Variants in HSD17B2 observed in about 807,000 individuals in gnomAD.
The protein encoded by HSD17B2 is 17-beta-hydroxysteroid dehydrogenase type 2.
In HSD17B2, 32 loss-of-function variants were observed where a neutral mutation model predicts 26.9. The ratio of observed to expected loss-of-function variants is 1.19; its 90% confidence interval spans 0.90 to 1.60. The LOEUF is 1.60. HSD17B2 is among the 40% of genes most tolerant of loss of function. The pLI, the probability that HSD17B2 is intolerant of heterozygous loss-of-function variation, is 0.00. For synonymous variants in HSD17B2, 246 were observed against 186.7 expected, an observed-to-expected ratio of 1.32 and a Z score of -2.59; for missense variants, 613 against 468.6, an observed-to-expected ratio of 1.31 and a Z score of -2.85.
In HSD17B2 at chr16:82,071,172, G is replaced by A. The variant is rs8191169; in HGVS notation, c.664+45G>A. On this transcript the variant is annotated intron_variant, in intron 3 of 4. Coordinates refer to ENST00000199936, the MANE Select transcript of HSD17B2 (RefSeq NM_002153.3). ...CATGGTCATGGGGTGCCCATCACAA[G>A]ACATGGCTCATGGCATTCTATGTGG... 1,086 of 1,577,542 alleles carry A rather than the reference G, an allele frequency of 6.9e-4. 6 individuals carry two copies. The African/African-American group carries it at 0.013, about 19-fold the overall frequency.
At chr16:82,040,785 A>C (rs1216158273) in intron 1 of HSD17B2, among the ~76,000 whole-genome samples, 1 of 152,184 alleles carries the variant, frequency 6.6e-6, no homozygotes, top group Non-Finnish European at 1.5e-5. Context: ...TTGACTTCAG[A>C]ACTGAGTCTG....
At chr16:82,066,860 G>A (rs189157629) in intron 1 of HSD17B2, among the ~76,000 whole-genome samples, 52 of 152,024 alleles carry the variant, frequency 3.4e-4, no homozygotes, top group Non-Finnish European at 6.3e-4. Flanking sequence ...TTTGTGTACC[G>A]TAATTTAGGT....
intron 2 of HSD17B2, 131 bp from the exon 3 acceptor site, chr16:82,070,811 A>T (rs1454564852): frequency 3.9e-6 from 3 of 777,516 alleles, no homozygotes; most frequent in Non-Finnish European, 6.2e-6. Context: ...GCCTTTGTCC[A>T]GTGGCAGACT....
intron 1 of HSD17B2, 148 bp from the exon 2 acceptor site, chr16:82,068,022 C>T (rs1480884730): frequency 3.0e-6 from 2 of 677,164 alleles, no homozygotes; most frequent in Non-Finnish European, 5.0e-6. Context: ...TCCCACCTCT[C>T]CACTTAGAAC....
intron 1 of HSD17B2, among the ~76,000 whole-genome samples, chr16:82,053,758 G>A (rs1914181403): frequency 6.6e-6 from 1 of 152,188 alleles, no homozygotes; most frequent in East Asian, 1.9e-4. Context: ...GTGTGCTGCT[G>A]TCCATGGAAA....
chr16:82,036,600 G>T (rs1299934591), intron 1 of HSD17B2, among the ~76,000 whole-genome samples: 1 of 152,128 alleles, frequency 6.6e-6, no homozygotes, highest in Non-Finnish European at 1.5e-5. Flanking sequence ...GTGGTTGGGA[G>T]AAAATCTGGG....
At chr16:82,042,491 G>C (rs1463796285) in intron 1 of HSD17B2, among the ~76,000 whole-genome samples, 2 of 152,186 alleles carry the variant, frequency 1.3e-5, no homozygotes, top group African/African-American at 4.8e-5. Context: ...CCTATTTCCA[G>C]TCAATTATTG....
At chr16:82,081,093 G>A (rs879765180) in intron 3 of HSD17B2, among the ~76,000 whole-genome samples, 9 of 151,864 alleles carry the variant, frequency 5.9e-5, no homozygotes, top group Middle Eastern at 3.4e-3. Context: ...TAACCAGCAC[G>A]TTCATATCAC....
rs918523627 is a variant in HSD17B2 at position 82,070,964 on chromosome 16, T to C, written c.501T>C (p.Asn167=). Residue 167 remains asparagine, a synonymous_variant, in exon 3 of 5, where the codon AAT becomes AAC. Coordinates refer to ENST00000199936, the MANE Select transcript of HSD17B2 (RefSeq NM_002153.3). Reference sequence around the variant, plus strand: ...CAGGACTGTGGGCTGTGATCAACAATGCTGGGGTGCTTGGCTTTCCAACTG... The same window carrying C: ...CAGGACTGTGGGCTGTGATCAACAACGCTGGGGTGCTTGGCTTTCCAACTG... ...QDRGLWAVIN[N]AGVLGFPTDG... 15 of 1,614,036 alleles carry C rather than the reference T, an allele frequency of 9.3e-6. No individual in the cohort carries two copies. The highest frequency in any genetic ancestry group is 4.0e-5 in the African/African-American group (3 of 74,930).
At chr16:82,048,713 T>A (rs1438537042) in intron 1 of HSD17B2, among the ~76,000 whole-genome samples, 1 of 152,228 alleles carries the variant, frequency 6.6e-6, no homozygotes, top group East Asian at 1.9e-4. Context: ...TTGTTCTAGT[T>A]TGCAAGGCTA....
Position 82,035,315 on chromosome 16 carries a change from T to A in HSD17B2, c.-110T>A. 3 of 998,072 alleles carry A rather than the reference T, an allele frequency of 3.0e-6. No individual in the cohort carries two copies. The South Asian group carries it at 4.7e-5, about 16-fold the overall frequency. The allele number at this position is 998,072 out of a possible 1,614,324, so 61.8% of individuals were successfully genotyped here. A position where few individuals can be genotyped will look rare whatever the true frequency, so the allele number is the denominator to read the frequency against. ...GTTGAAAGGGGCTGGGGCTGCTTTCTCCCCTCCCTTCTTGACTCTCTGTTC... is the reference window on the plus strand; with the variant it reads ...GTTGAAAGGGGCTGGGGCTGCTTTCACCCCTCCCTTCTTGACTCTCTGTTC... On this transcript the variant is annotated 5_prime_UTR_variant, in exon 1 of 5. Coordinates refer to ENST00000199936, the MANE Select transcript of HSD17B2 (RefSeq NM_002153.3).
In HSD17B2 at chr16:82,035,375, C is replaced by G. The variant is rs370510220; in HGVS notation, c.-50C>G. ...AGGCTGCCTCCAGCCAGCCTTTGCC[C>G]GCTAGACTCACTGGCCCTGAGCACT... On this transcript the variant is annotated 5_prime_UTR_variant, in exon 1 of 5. Coordinates refer to ENST00000199936, the MANE Select transcript of HSD17B2 (RefSeq NM_002153.3). 1 of 1,568,992 alleles carries G rather than the reference C, an allele frequency of 6.4e-7. No individual in the cohort carries two copies. The highest frequency in any genetic ancestry group is 1.2e-5 in the South Asian group (1 of 84,000).
chr16:82,067,049 T>C (rs1209413236), intron 1 of HSD17B2, among the ~76,000 whole-genome samples: 1 of 152,240 alleles, frequency 6.6e-6, no homozygotes, highest in Non-Finnish European at 1.5e-5. Flanking sequence ...TGTTTATCAA[T>C]AGTGTATGTG....
At chr16:82,064,680 G>T (rs1396588997) in intron 1 of HSD17B2, among the ~76,000 whole-genome samples, 2 of 152,202 alleles carry the variant, frequency 1.3e-5, no homozygotes, top group African/African-American at 2.4e-5. Flanking sequence ...GGATTATTAG[G>T]AGGATGTGGA....
intron 1 of HSD17B2, among the ~76,000 whole-genome samples, chr16:82,051,613 A>G (rs73603046): frequency 0.019 from 2,865 of 152,228 alleles, 84 homozygotes; most frequent in African/African-American, 0.063. Flanking sequence ...ACAAATAGCT[A>G]ATGCATGCAG....
chr16:82,043,083 T>A (rs1272629283), intron 1 of HSD17B2, among the ~76,000 whole-genome samples: 1 of 152,212 alleles, frequency 6.6e-6, no homozygotes, highest in Non-Finnish European at 1.5e-5. Flanking sequence ...TTTCTGTGGG[T>A]TACTTTGCTG....
chr16:82,037,917 A>C (rs1270968507), intron 1 of HSD17B2, among the ~76,000 whole-genome samples: 1 of 152,230 alleles, frequency 6.6e-6, no homozygotes, highest in Non-Finnish European at 1.5e-5. Flanking sequence ...GTGTGCTGGA[A>C]ATAGTTTGTA....
intron 1 of HSD17B2, among the ~76,000 whole-genome samples, chr16:82,058,477 G>GT (rs1231342465): frequency 8.6e-5 from 13 of 152,030 alleles, no homozygotes; most frequent in South Asian, 2.1e-4. Context: ...AATAAAATCT[G>GT]TTTTTTTAAA....
intron 4 of HSD17B2, chr16:82,091,408 G>C: frequency 3.4e-6 from 1 of 292,156 alleles, no homozygotes. Context: ...TTCCCACAGA[G>C]ACAGAGAAAC....
Sources: gnomAD v4.1 joint callset for allele counts (sites outside exome capture counted in the v4.1 genomes callset) on GRCh38, gnomAD v4.1.1 for gene constraint, MANE v1.5 for transcripts, NCBI Gene and HGNC (gene_info 2026-07-23, HGNC 2026-07-21) for gene names.